The following FGA variants were observed in gnomAD, a reference collection of about 807,000 sequenced individuals.
The protein encoded by FGA is fibrinogen alpha chain.
A neutral mutation model predicts 20.3 loss-of-function variants in FGA; 20 were observed. That is an observed-to-expected ratio of 0.99 (90% CI 0.69 to 1.43). The LOEUF is 1.43. Ranked by LOEUF, FGA falls within the 40% of genes most tolerant of loss-of-function variation. FGA has a pLI of 0.00. For synonymous variants in FGA, 306 were observed against 281.6 expected, an observed-to-expected ratio of 1.09 and a Z score of -0.87; for missense variants, 777 against 784.7, an observed-to-expected ratio of 0.99 and a Z score of 0.12.
intron 1 of FGA, 42 bp from the exon 2 acceptor site, chr4:154,589,604 A>G (rs1211872756): frequency 2.5e-6 from 4 of 1,606,622 alleles, no homozygotes; most frequent in Non-Finnish European, 3.4e-6. Context: ...AGCAACAGCA[A>G]TGTTAGCCAG....
chr4:154,584,666 G>A (rs762511080), downstream of FGA: 7 of 1,614,038 alleles, frequency 4.3e-6, 1 homozygote, highest in South Asian at 2.2e-5. Context: ...TGCCAGGTCC[G>A]GTTAAAATTC....
rs752490927 is a variant in FGA, at chr4:154,586,469, G to C, written c.960C>G (p.Thr320=). The C allele has an allele frequency of 6.2e-7, 1 of 1,609,018 alleles. No homozygotes were observed. Among genetic ancestry groups the C allele is most frequent in the South Asian group, 1.1e-5 (1 of 90,614 alleles). ...PGSSGTGGTA[T]WKPGSSGPGS... ...CAGGTCCAGAGCTCCCAGGTTTCCA[G>C]GTTGCAGTCCCTCCAGTCCCAGAGC... The change falls in exon 5 of 5, where the codon ACC becomes ACG. Residue 320 remains threonine (T), a synonymous_variant. Transcript: ENST00000403106.
downstream of FGA, chr4:154,584,310 T>C (rs771538227): frequency 1.9e-6 from 3 of 1,613,946 alleles, no homozygotes; most frequent in Non-Finnish European, 2.5e-6. Flanking sequence ...ACCACCAGCC[T>C]CCCCCATAGA....
Position 154,585,966 on chromosome 4 carries a change from C to G in FGA, c.1463G>C (p.Gly488Ala). The change falls in exon 5 of 5, where the codon GGT becomes GCT. Residue 488 changes from glycine (G) to alanine (A), a missense_variant. Transcript: ENST00000403106. ...VTKEVVTSEDGSDCPEAMDLG... is the reference protein window; with the variant it reads ...VTKEVVTSEDASDCPEAMDLG... ...ATCCATTGCCTCGGGACAGTCAGAA[C>G]CATCTTCGGAGGTCACCACTTCTTT... The G allele has an allele frequency of 6.2e-7, 1 of 1,614,188 alleles. No homozygotes were observed. Among genetic ancestry groups the G allele is most frequent in the African/African-American group, 1.3e-5 (1 of 75,046 alleles).
At chr4:154,584,079 TCTCTAGCAAAGAAGACAGAGTG>T (rs766343786), downstream of FGA, 2 of 847,202 alleles carry the variant, frequency 2.4e-6, no homozygotes, top group Non-Finnish European at 3.2e-6. Context: ...TCTCTCCACT[TCTCTAGCAAAGAAGACAGAGTG>T]CTCCCATTCC....
At position 154,586,419 on chromosome 4, in the gene FGA, C is replaced by T. The variant is rs145956993; in HGVS notation, c.1010G>A (p.Gly337Glu). Residue 337 changes from glycine (G) to glutamate (E), a missense_variant, in exon 5 of 5, where the codon GGG becomes GAG. Gly to Glu is a moderately conservative substitution (Grantham distance 98). Coordinates refer to ENST00000403106, the MANE Select transcript of FGA (RefSeq NM_021871.4). ...GPGSTGSWNS[G>E]SSGTGSTGNQ... Reference sequence around the variant, plus strand: ...TCCAGTACTTCCAGTTCCAGAGCTCCCAGAGTTCCAGCTTCCAGTACTTCC... The same window carrying T: ...TCCAGTACTTCCAGTTCCAGAGCTCTCAGAGTTCCAGCTTCCAGTACTTCC... The T allele has an allele frequency of 8.9e-5, 143 of 1,611,526 alleles. 1 individual carries two copies. The African/African-American group carries it at 1.6e-3, about 18-fold the overall frequency.
intron 1 of FGA, 23 bp from the exon 2 acceptor site, chr4:154,589,585 A>G: frequency 9.3e-6 from 15 of 1,610,636 alleles, no homozygotes; most frequent in Non-Finnish European, 1.3e-5. Flanking sequence ...ATTCACATAC[A>G]CAAAAGAGAG....
rs777590326 is a variant in FGA, at chr4:154,586,381, C to T, written c.1048G>A (p.Gly350Arg). Residue 350 changes from glycine (G) to arginine (R), a missense_variant, in exon 5 of 5, where the codon GGG becomes AGG. Physicochemically the swap from Gly to Arg is moderately radical, Grantham distance 125. Coordinates refer to ENST00000403106, the MANE Select transcript of FGA (RefSeq NM_021871.4). ...GTGSTGNQNPGSPRPGSTGTW... is the reference protein window; with the variant it reads ...GTGSTGNQNPRSPRPGSTGTW... ...CCGGTACTACCAGGTCTAGGGCTCC[C>T]AGGGTTTTGGTTTCCAGTACTTCCA... 1.1e-5 allele frequency: 17 copies of T among 1,614,072 alleles called. No homozygotes were observed. Among genetic ancestry groups the T allele is most frequent in the Non-Finnish European group, 1.4e-5 (17 of 1,180,042 alleles).
chr4:154,587,753 AAGAAAGAAAG>A, intron 3 of FGA, 96 bp from the exon 4 acceptor site: 1 of 361,280 alleles, frequency 2.8e-6, no homozygotes, highest in Non-Finnish European at 5.2e-6. Flanking sequence ...AGGAGAAAGA[AAGAAAGAAAG>A]AAAGAAAGAA....
chr4:154,584,159 C>T, downstream of FGA: 1 of 1,559,488 alleles, frequency 6.4e-7, no homozygotes. Context: ...TTCATGCGAA[C>T]AGCCCTGAGG....
chr4:154,584,117 CTT>C (rs1491427181), downstream of FGA: 7 of 1,607,616 alleles, frequency 4.4e-6, no homozygotes, highest in African/African-American at 1.3e-5. Context: ...ATTCCCACTT[CTT>C]CAGCCTATTG....
chr4:154,585,192 C>A (rs1420020004), downstream of FGA: 1 of 1,271,752 alleles, frequency 7.9e-7, no homozygotes, highest in South Asian at 1.7e-5. Context: ...TGTGATTAAT[C>A]AGTTGGGTGA....
Position 154,588,778 on chromosome 4 carries a change from A to G in FGA, c.364+15T>C. Reference sequence around the variant, plus strand: ...TTCTGTTATAAAGTCAAAGCAGTAAATATGTAATACTTACTATTGGCTGAG... The same window carrying G: ...TTCTGTTATAAAGTCAAAGCAGTAAGTATGTAATACTTACTATTGGCTGAG... On this transcript the variant is annotated intron_variant, in intron 3 of 4. Coordinates refer to ENST00000403106, the MANE Select transcript of FGA (RefSeq NM_021871.4). The G allele has an allele frequency of 6.4e-7, 1 of 1,561,286 alleles. No homozygotes were observed. The highest frequency in any genetic ancestry group is 8.8e-7 in the Non-Finnish European group (1 of 1,133,706).
At position 154,586,375 on chromosome 4, in the gene FGA, G is replaced by A. The variant is rs781106032; in HGVS notation, c.1054C>T (p.Pro352Ser). The A allele has an allele frequency of 6.2e-7, 1 of 1,614,042 alleles. No homozygotes were observed. Among genetic ancestry groups the A allele is most frequent in the East Asian group, 2.2e-5 (1 of 44,878 alleles). ...GSTGNQNPGS[P>S]RPGSTGTWNP... Reference sequence around the variant, plus strand: ...CAGGTTCCGGTACTACCAGGTCTAGGGCTCCCAGGGTTTTGGTTTCCAGTA... The same window carrying A: ...CAGGTTCCGGTACTACCAGGTCTAGAGCTCCCAGGGTTTTGGTTTCCAGTA... Residue 352 changes from proline to serine, a missense_variant, in exon 5 of 5, where the codon CCT becomes TCT. Coordinates refer to ENST00000403106, the MANE Select transcript of FGA (RefSeq NM_021871.4).
At chr4:154,584,491 C>T (rs1215156193), downstream of FGA, 1 of 1,614,164 alleles carries the variant, frequency 6.2e-7, no homozygotes. Flanking sequence ...AGCCTCAGAG[C>T]CTACCCGGAA....
At position 154,585,310 on chromosome 4, in the gene FGA, T is replaced by C. The variant is rs1324154743; in HGVS notation, c.*184A>G. 2.4e-6 allele frequency: 3 copies of C among 1,256,594 alleles called. No individual in the cohort carries two copies. Among genetic ancestry groups the C allele is most frequent in the Non-Finnish European group, 3.2e-6 (3 of 939,350 alleles). 77.8% of individuals were successfully genotyped at this position (1,256,594 alleles called of 1,614,324 possible). ...CATTTAACATGTATTTATTGAGTCA[T>C]GGCTCTGTACTGTTAGGCATTTGGG... On this transcript the variant is annotated 3_prime_UTR_variant, in exon 5 of 5. Coordinates refer to ENST00000403106, the MANE Select transcript of FGA (RefSeq NM_021871.4).
At position 154,590,657 on chromosome 4, in the gene FGA, G is replaced by A. The variant is rs1730845616; in HGVS notation, c.31C>T (p.Leu11=). 1.9e-6 allele frequency: 3 copies of A among 1,558,792 alleles called. No homozygotes were observed. The East Asian group carries it at 7.2e-5, about 37-fold the overall frequency. The change falls in exon 1 of 5, where the codon CTA becomes TTA. Residue 11 remains leucine, a synonymous_variant. Transcript: ENST00000403106. ...ACCCATGCTGTGCCCACCACACTTA[G>A]GACCAGGCAGACGATCCTCATGGAA... MFSMRIVCLV[L]SVVGTAWTAD...
At chr4:154,590,581 T>C in intron 1 of FGA, 53 bp downstream of exon 1, 1 of 1,425,834 alleles carries the variant, frequency 7.0e-7, no homozygotes, top group Non-Finnish European at 9.7e-7. Context: ...CCAGGCTCTT[T>C]GTGGAATAAA....
chr4:154,587,527 A>G lies in FGA; in HGVS notation c.495T>C (p.Asp165=). Residue 165 remains aspartate, a synonymous_variant, in exon 4 of 5, where the codon GAT becomes GAC. Coordinates refer to ENST00000403106, the MANE Select transcript of FGA (RefSeq NM_021871.4). ...LQKNVRAQLV[D]MKRLEVDIDI... The stretch of plus-strand genomic sequence containing the variant: ...ACATACTTACCTCCAGTCGTTTCAT[A>G]TCAACCAACTGAGCTCTAACATTTT... 2 of 1,613,952 alleles carry G rather than the reference A, an allele frequency of 1.2e-6. No individual in the cohort carries two copies. The highest frequency in any genetic ancestry group is 8.5e-7 in the Non-Finnish European group (1 of 1,179,924).
Sources: gnomAD v4.1 joint callset for allele counts on GRCh38, gnomAD v4.1.1 for gene constraint, MANE v1.5 for transcripts, NCBI Gene and HGNC (gene_info 2026-07-23, HGNC 2026-07-21) for gene names.